The following CDCA2 variants were observed in gnomAD, a reference collection of about 807,000 sequenced individuals.
The protein encoded by CDCA2 is cell division cycle associated 2, also known as cell division cycle-associated protein 2.
In CDCA2, 44 loss-of-function variants were observed where a neutral mutation model predicts 67.0. The observed-to-expected ratio is 0.66, with a 90% confidence interval of 0.52 to 0.84. The LOEUF is 0.84. CDCA2 is among the 40% of genes least tolerant of loss of function. The pLI is 0.00. For synonymous variants in CDCA2, 447 were observed against 418.7 expected (o/e 1.07, Z -0.82); for missense variants, 1,253 against 1,203.2 (o/e 1.04, Z -0.61).
chr8:25,474,436 T>C (rs939539902), intron 7 of CDCA2, among the ~76,000 whole-genome samples: 5 of 152,236 alleles, frequency 3.3e-5, no homozygotes, highest in African/African-American at 1.2e-4. Flanking sequence ...ACATTTTTAT[T>C]ACTAATTCAG....
At chr8:25,497,067 G>T (rs979589721) in intron 13 of CDCA2, among the ~76,000 whole-genome samples, 19 of 152,092 alleles carry the variant, frequency 1.2e-4, no homozygotes. Flanking sequence ...AGTGATGGTG[G>T]TAGTTAAATT....
chr8:25,501,296 A>T (rs1331147860), intron 13 of CDCA2, among the ~76,000 whole-genome samples: 1 of 152,240 alleles, frequency 6.6e-6, no homozygotes, highest in Non-Finnish European at 1.5e-5. Context: ...CTCAAGGAGC[A>T]CATAGTTTTG....
At chr8:25,479,277 C>G (rs1803474898) in intron 7 of CDCA2, among the ~76,000 whole-genome samples, 1 of 152,120 alleles carries the variant, frequency 6.6e-6, no homozygotes, top group Non-Finnish European at 1.5e-5. Context: ...TTTATAATCC[C>G]TGCTTATTCC....
chr8:25,487,741 A>G (rs1409034130), intron 12 of CDCA2, among the ~76,000 whole-genome samples: 1 of 151,836 alleles, frequency 6.6e-6, no homozygotes, highest in Non-Finnish European at 1.5e-5. Context: ...CTCCGTCTCA[A>G]AAAAAAAACT....
intron 13 of CDCA2, among the ~76,000 whole-genome samples, chr8:25,497,051 C>G (rs183633197): frequency 1.4e-5 from 2 of 139,054 alleles, no homozygotes; most frequent in Admixed American, 1.5e-4. Context: ...CTGGTAAACT[C>G]TGGTGAGTGA....
At chr8:25,468,118 CAAAAAAAAAAAAAAAAAAAAAGAA>C (rs1430780393) in intron 5 of CDCA2, 75 bp from the exon 6 acceptor site, 6 of 159,796 alleles carry the variant, frequency 3.8e-5, no homozygotes, top group Non-Finnish European at 5.6e-5. Flanking sequence ...AACTCCGTCT[CAAAAAAAAAAAAAAAAAAAAAGAA>C]AAGAAAAAAA....
At chr8:25,483,238 TATC>T (rs754218922) in intron 8 of CDCA2, among the ~76,000 whole-genome samples, 158 bp from the exon 9 acceptor site, 7 of 152,244 alleles carry the variant, frequency 4.6e-5, no homozygotes, top group Non-Finnish European at 1.0e-4. Context: ...TTGTGCCTGA[TATC>T]ATGGTTTTGA....
intron 13 of CDCA2, 28 bp from the exon 14 acceptor site, chr8:25,503,345 A>G (rs746341868): frequency 6.4e-7 from 1 of 1,553,010 alleles, no homozygotes; most frequent in Non-Finnish European, 8.9e-7. Context: ...ATCTTTCTCA[A>G]TTGCAATGTT....
chr8:25,471,095 G>A (rs1028802938), intron 7 of CDCA2, among the ~76,000 whole-genome samples: 5 of 152,000 alleles, frequency 3.3e-5, no homozygotes, highest in African/African-American at 1.2e-4. Flanking sequence ...TAGGTTAAGA[G>A]GGGAAAAATA....
Position 25,466,292 on chromosome 8 carries a change from G to A in CDCA2, c.505G>A (p.Glu169Lys), listed in dbSNP as rs745957694. The A allele has an allele frequency of 2.5e-6, 4 of 1,609,260 alleles. No homozygotes were observed. The highest frequency in any genetic ancestry group is 3.4e-6 in the Non-Finnish European group (4 of 1,178,868). Residue 169 changes from glutamate to lysine, a missense_variant, in exon 5 of 15, where the codon GAG (glutamate) becomes AAG (lysine). Transcript: ENST00000330560. The part of the protein sequence containing the change: ...EKMTGCLEFS[E>K]AGKESEMTDL... Reference sequence around the variant, plus strand: ...AATGACCGGCTGTCTGGAATTCTCAGAGGCAGGAAAAGAGTCCGAGATGAC... The same window carrying A: ...AATGACCGGCTGTCTGGAATTCTCAAAGGCAGGAAAAGAGTCCGAGATGAC...
At chr8:25,497,505 A>AT (rs1804275672) in intron 13 of CDCA2, among the ~76,000 whole-genome samples, 1 of 28,950 alleles carries the variant, frequency 3.5e-5, no homozygotes, top group East Asian at 2.4e-3. Context: ...AAAATAAAAA[A>AT]TAAAAAAAAA....
chr8:25,500,891 G>A (rs73550860), intron 13 of CDCA2, among the ~76,000 whole-genome samples: 51 of 152,222 alleles, frequency 3.4e-4, no homozygotes, highest in African/African-American at 1.2e-3. Flanking sequence ...ACTTGCCCAG[G>A]GTTATAAAAC....
Position 25,484,094 on chromosome 8 carries a change from G to C in CDCA2, c.1249G>C (p.Gly417Arg). Residue 417 changes from glycine to arginine, a missense_variant, in exon 10 of 15, where the codon GGA becomes CGA. Physicochemically the swap from Gly to Arg is moderately radical, Grantham distance 125. Coordinates refer to ENST00000330560, the MANE Select transcript of CDCA2 (RefSeq NM_152562.4). ...SLPANTPLRK[G>R]GTPVCKKDFS... ...GCCAGCAAATACTCCATTGCGTAAA[G>C]GAGGAACACCTGTTTGTAAAAAAGA... The C allele has an allele frequency of 6.2e-7, 1 of 1,614,210 alleles. No homozygotes were observed. The highest frequency in any genetic ancestry group is 8.5e-7 in the Non-Finnish European group (1 of 1,180,044).
intron 5 of CDCA2, 72 bp downstream of exon 5, chr8:25,466,397 T>G (rs1802905009): frequency 7.2e-7 from 1 of 1,379,450 alleles, no homozygotes; most frequent in Non-Finnish European, 9.7e-7. Context: ...ATGAAATGAT[T>G]TAGTGTGAAG....
chr8:25,459,351 AG>A lies in CDCA2; in HGVS notation c.-121del, dbSNP rs1444162736. The A allele has an allele frequency of 2.0e-5, 3 of 152,272 alleles. No homozygotes were observed. The highest frequency in any genetic ancestry group is 7.2e-5 in the African/African-American group (3 of 41,408). The allele number at this position is 152,272 out of a possible 1,614,324, so 9.4% of individuals were successfully genotyped here. A position where few individuals can be genotyped will look rare whatever the true frequency, so the allele number is the denominator to read the frequency against. On this transcript the variant is annotated 5_prime_UTR_variant, in exon 1 of 15. Transcript: ENST00000330560. ...GGCTCCCGGCTGCGGGTGCTTTGCC[AG>A]GAGAGCCCTTCCGGACAGAGGAGCC...
At position 25,506,588 on chromosome 8, in the gene CDCA2, A is replaced by G. The variant is rs1804685926; in HGVS notation, c.1922A>G (p.His641Arg). Reference sequence around the variant, plus strand: ...GTGAAAAGAAAGGATCTTTTGCGTCATGACCCAGATTTGCATATGCATCAA... The same window carrying G: ...GTGAAAAGAAAGGATCTTTTGCGTCGTGACCCAGATTTGCATATGCATCAA... ...NPVKRKDLLRHDPDLHMHQGY... is the reference protein window; with the variant it reads ...NPVKRKDLLRRDPDLHMHQGY... The change falls in exon 15 of 15, where the codon CAT becomes CGT. Residue 641 changes from histidine (H) to arginine (R), a missense_variant. Coordinates refer to ENST00000330560, the MANE Select transcript of CDCA2 (RefSeq NM_152562.4). 1 of 1,605,950 alleles carries G rather than the reference A, an allele frequency of 6.2e-7. No homozygotes were observed.
chr8:25,491,639 G>C (rs910351836), intron 13 of CDCA2, among the ~76,000 whole-genome samples: 1 of 152,140 alleles, frequency 6.6e-6, no homozygotes, highest in Non-Finnish European at 1.5e-5. Context: ...TTTATTTTGA[G>C]AGAAGGTCTC....
intron 10 of CDCA2, among the ~76,000 whole-genome samples, chr8:25,484,671 A>C (rs1369326198): frequency 6.7e-6 from 1 of 148,726 alleles, no homozygotes; most frequent in African/African-American, 2.5e-5. Flanking sequence ...GGCTCACTGC[A>C]GCCTCAACCT....
intron 7 of CDCA2, among the ~76,000 whole-genome samples, chr8:25,470,214 G>C (rs1803097809): frequency 6.6e-6 from 1 of 152,158 alleles, no homozygotes; most frequent in East Asian, 1.9e-4. Context: ...AGTATAAAGA[G>C]GTAGCACCTA....
Sources: allele counts gnomAD v4.1 joint callset (sites outside exome capture counted in the v4.1 genomes callset), GRCh38; gene constraint gnomAD v4.1.1; transcripts MANE v1.5; gene names NCBI Gene and HGNC (gene_info 2026-07-23, HGNC 2026-07-21).